The following MBD5 variants were observed in gnomAD, a reference collection of about 807,000 sequenced individuals.
MBD5 encodes the protein methyl-CpG-binding domain protein 5.
In MBD5, 13 loss-of-function variants were observed where a neutral mutation model predicts 117.3. The ratio of observed to expected loss-of-function variants is 0.11; its 90% confidence interval spans 0.07 to 0.18. The LOEUF is 0.18. MBD5 is among the 10% of genes least tolerant of loss of function. MBD5 has a pLI of 1.00. For synonymous variants in MBD5, 727 were observed against 766.4 expected (o/e 0.95, Z 0.85); for missense variants, 1,879 against 2,093.8 (o/e 0.90, Z 2.00).
intron 3 of MBD5, among the ~76,000 whole-genome samples, chr2:148,325,961 T>C (rs1702438384): frequency 6.6e-6 from 1 of 152,218 alleles, no homozygotes; most frequent in Non-Finnish European, 1.5e-5. Context: ...CTGCTTTCTC[T>C]TGTGGGCATT....
rs553822638 is a variant in MBD5, at chr2:148,402,655, T to C, written c.-556-55548T>C. 1.4e-4 allele frequency among the ~76,000 whole-genome samples: 21 copies of C among 152,314 alleles called. 1 individual carries two copies. In the South Asian group the frequency reaches 4.4e-3, roughly 32 times the overall value. On this transcript the variant is annotated intron_variant, in intron 4 of 13. Transcript: ENST00000642680. ...TCTTTTGTCAATTGGCATCTTTCAC[T>C]CAGGATAATTATTTTGAGATTTATT...
At chr2:148,367,721 G>C (rs573634683) in intron 4 of MBD5, among the ~76,000 whole-genome samples, 1 of 152,242 alleles carries the variant, frequency 6.6e-6, no homozygotes, top group African/African-American at 2.4e-5. Flanking sequence ...ACAAACATAT[G>C]AACAAAAGCT....
chr2:148,410,352 C>A (rs1384257584), intron 4 of MBD5, among the ~76,000 whole-genome samples: 1 of 152,066 alleles, frequency 6.6e-6, no homozygotes, highest in Non-Finnish European at 1.5e-5. Flanking sequence ...TCAGTCTGTC[C>A]ATATGTACTG....
intron 1 of MBD5, chr2:148,041,478 A>T (rs889276603): frequency 6.6e-6 from 1 of 152,252 alleles, no homozygotes; most frequent in Non-Finnish European, 1.5e-5. Flanking sequence ...ACTTAAAAGT[A>T]GCAGATTGTA....
chr2:148,384,247 A>G lies in MBD5; in HGVS notation c.-557+41911A>G, dbSNP rs1486792620. Among the ~76,000 whole-genome samples, 3 of 152,210 alleles carry G rather than the reference A, an allele frequency of 2.0e-5. No homozygotes were observed. The East Asian group carries it at 5.8e-4, about 29-fold the overall frequency. Reference sequence around the variant, plus strand: ...AGCCCAAAATCTCCTTAAGCTGATAAGCAAATTCAGCAAAGTCTCAGGATA... The same window carrying G: ...AGCCCAAAATCTCCTTAAGCTGATAGGCAAATTCAGCAAAGTCTCAGGATA... On this transcript the variant is annotated intron_variant, in intron 4 of 13. Transcript: ENST00000642680.
At chr2:148,399,919 T>G (rs1257194318) in intron 4 of MBD5, among the ~76,000 whole-genome samples, 1 of 152,160 alleles carries the variant, frequency 6.6e-6, no homozygotes, top group Non-Finnish European at 1.5e-5. Context: ...AATCATGTGG[T>G]TTTTTTCGTT....
intron 3 of MBD5, among the ~76,000 whole-genome samples, chr2:148,280,145 AAAAAAC>A (rs1205709337): frequency 6.6e-6 from 1 of 151,006 alleles, no homozygotes; most frequent in Non-Finnish European, 1.5e-5. Context: ...AAAAAAAAAA[AAAAAAC>A]AAAAAGAAAA....
At chr2:148,399,137 C>T (rs1390681774) in intron 4 of MBD5, among the ~76,000 whole-genome samples, 5 of 152,278 alleles carry the variant, frequency 3.3e-5, no homozygotes, top group African/African-American at 1.2e-4. Flanking sequence ...GCAATGTGGA[C>T]TCTTTTGTGG....
intron 1 of MBD5, among the ~76,000 whole-genome samples, chr2:148,084,792 A>G (rs967997971): frequency 2.0e-5 from 3 of 152,196 alleles, no homozygotes; most frequent in Non-Finnish European, 4.4e-5. Context: ...TCATTTAGTG[A>G]TGGCTGGTTT....
In MBD5 at chr2:148,485,799, C is replaced by T. The variant is rs200985982; in HGVS notation, c.3602C>T (p.Ser1201Leu). The change falls in exon 10 of 14, where the codon TCG (serine) becomes TTG (leucine). Residue 1201 changes from serine to leucine, a missense_variant. Physicochemically the swap from Ser to Leu is moderately radical, Grantham distance 145. Transcript: ENST00000642680. ...LSNHQLTHLQ[S>L]LLNNNQMFPP... ...AACCATCAACTGACTCATCTACAGT[C>T]GCTGTTAAACAACAATCAGATGTTT... The T allele has an allele frequency of 5.4e-5, 87 of 1,613,770 alleles. No homozygotes were observed. Among genetic ancestry groups the T allele is most frequent in the Admixed American group, 3.8e-4 (23 of 59,970 alleles).
chr2:148,151,845 C>T lies in MBD5; in HGVS notation c.-924-26855C>T, dbSNP rs150060309. On this transcript the variant is annotated intron_variant, in intron 1 of 13. Coordinates refer to ENST00000642680, the MANE Select transcript of MBD5 (RefSeq NM_001378120.1). ...ATTCTTCTCTCTTTCTTTCTTTATT[C>T]GTCTTGCTAGCGGTCTATCAATTTT... Among the ~76,000 whole-genome samples, 9 of 151,608 alleles carry T rather than the reference C, an allele frequency of 5.9e-5. No homozygotes were observed. In the South Asian group the frequency reaches 6.2e-4, roughly 11 times the overall value.
intron 4 of MBD5, among the ~76,000 whole-genome samples, chr2:148,419,271 A>G (rs1705522900): frequency 6.6e-6 from 1 of 152,156 alleles, no homozygotes; most frequent in African/African-American, 2.4e-5. Flanking sequence ...TGATAACCAT[A>G]CAAATTTGGG....
intron 4 of MBD5, among the ~76,000 whole-genome samples, chr2:148,414,978 T>C (rs188415523): frequency 2.0e-3 from 305 of 152,280 alleles, no homozygotes; most frequent in African/African-American, 6.9e-3. Flanking sequence ...TCAGTATTGA[T>C]GTGTGAGAAT....
chr2:148,225,873 A>T (rs1010855138), intron 2 of MBD5, among the ~76,000 whole-genome samples: 6 of 152,060 alleles, frequency 3.9e-5, no homozygotes, highest in African/African-American at 1.4e-4. Flanking sequence ...GCTGCTTAGG[A>T]TCCTTTCTTT....
In MBD5 at chr2:148,456,657, A is replaced by C. The variant is rs1706893209; in HGVS notation, c.-556-1546A>C. The stretch of plus-strand genomic sequence containing the variant: ...TTCTGTGAGAAGTATAACACAGTGG[A>C]CTGGGGCCAGTGGTGCAAATTTCCA... On this transcript the variant is annotated intron_variant, in intron 4 of 13. Coordinates refer to ENST00000642680, the MANE Select transcript of MBD5 (RefSeq NM_001378120.1). Among the ~76,000 whole-genome samples the C allele has an allele frequency of 2.6e-5, 4 of 152,252 alleles. No homozygotes were observed. The South Asian group carries it at 8.3e-4, about 32-fold the overall frequency.
intron 1 of MBD5, among the ~76,000 whole-genome samples, chr2:148,147,062 T>A (rs1697484997): frequency 6.6e-6 from 1 of 152,074 alleles, no homozygotes; most frequent in Non-Finnish European, 1.5e-5. Context: ...CTTTTAGTTC[T>A]TTGAACATAT....
At chr2:148,286,132 G>T (rs184959918) in intron 3 of MBD5, among the ~76,000 whole-genome samples, 1 of 152,020 alleles carries the variant, frequency 6.6e-6, no homozygotes, top group Non-Finnish European at 1.5e-5. Context: ...GAAATTTGCC[G>T]TTTGACTTAG....
chr2:148,281,948 A>G (rs1376378379), intron 3 of MBD5, among the ~76,000 whole-genome samples: 1 of 152,144 alleles, frequency 6.6e-6, no homozygotes, highest in Admixed American at 6.5e-5. Context: ...CCCTTGGTGC[A>G]TCTAACCGCT....
At chr2:148,341,175 A>G (rs1384084326) in intron 3 of MBD5, among the ~76,000 whole-genome samples, 1 of 151,934 alleles carries the variant, frequency 6.6e-6, no homozygotes, top group African/African-American at 2.4e-5. Context: ...TCCCACCCCA[A>G]TACTGTTTTG....
Sources: gnomAD v4.1 joint callset for allele counts (sites outside exome capture counted in the v4.1 genomes callset) on GRCh38, gnomAD v4.1.1 for gene constraint, MANE v1.5 for transcripts, NCBI Gene and HGNC (gene_info 2026-07-23, HGNC 2026-07-21) for gene names.